The following NPLOC4 variants were observed in gnomAD, a reference collection of about 807,000 sequenced individuals.
NPLOC4 encodes the protein NPL4 homolog, ubiquitin recognition factor, also known as nuclear protein localization protein 4 homolog.
Under a neutral mutation model 80.6 loss-of-function variants are expected in NPLOC4, and 18 were observed. The observed-to-expected ratio is 0.22, with a 90% CI of 0.15 to 0.33. The LOEUF is 0.33. Ranked by LOEUF, NPLOC4 falls within the 10% of genes least tolerant of loss-of-function variation. The pLI, the probability that NPLOC4 is intolerant of heterozygous loss-of-function variation, is 1.00. For missense variants in NPLOC4, 540 were observed against 786.1 expected (o/e 0.69, Z 3.74); for synonymous variants, 313 against 301.5 (o/e 1.04, Z -0.39).
rs899122806 is a variant in NPLOC4, at chr17:81,629,709, C to T, written c.96+16G>A. 1.9e-6 allele frequency: 3 copies of T among 1,592,058 alleles called. No homozygotes were observed. The highest frequency in any genetic ancestry group is 8.6e-7 in the Non-Finnish European group (1 of 1,160,110). On this transcript the variant is annotated intron_variant, in intron 2 of 16. Transcript: ENST00000331134. The stretch of plus-strand genomic sequence containing the variant: ...ATGAAAAATATCCTGAGGGTCAATA[C>T]CCAGGCCACAGATACCTTTTTCAAA...
Position 81,572,749 on chromosome 17 carries a change from T to C in NPLOC4, c.1282-661A>G, listed in dbSNP as rs548729153. On this transcript the variant is annotated intron_variant, in intron 12 of 16. Transcript: ENST00000331134. This position sits in a 1 kb window ranked among gnomAD's most constrained non-coding sequence, Gnocchi z 4.5. The stretch of plus-strand genomic sequence containing the variant: ...CAGAAGGGTCTGCGTTCCCCTCAGG[T>C]TGGACCTGTGCCCTGTCTATCCTCC... Among the ~76,000 whole-genome samples the C allele has an allele frequency of 3.9e-5, 6 of 152,372 alleles. No homozygotes were observed. Among genetic ancestry groups the C allele is most frequent in the African/African-American group, 1.2e-4 (5 of 41,598 alleles).
chr17:81,565,639 G>A lies in NPLOC4; in HGVS notation c.1567-32C>T, dbSNP rs144195177. On this transcript the variant is annotated intron_variant, in intron 15 of 16. Coordinates refer to ENST00000331134, the MANE Select transcript of NPLOC4 (RefSeq NM_017921.4). ...GAAGCCAAAAGGAAGGTTCCTCTTC[G>A]CTGTGCCTAAGGTGAGCAGCTTCCT... is the stretch of plus-strand genomic sequence containing the variant. The A allele has an allele frequency of 2.8e-4, 421 of 1,499,484 alleles. 1 individual carries two copies. In the African/African-American group the frequency reaches 5.2e-3, roughly 19 times the overall value. 92.9% of individuals were successfully genotyped at this position (1,499,484 alleles called of 1,614,324 possible).
chr17:81,627,671 G>A (rs1366926146), intron 2 of NPLOC4, among the ~76,000 whole-genome samples: 1 of 152,170 alleles, frequency 6.6e-6, no homozygotes, highest in Admixed American at 6.5e-5. Context: ...GGGAGGCTGA[G>A]GCAGGAGAAT....
intron 2 of NPLOC4, among the ~76,000 whole-genome samples, chr17:81,623,268 G>T (rs567498832): frequency 1.3e-5 from 2 of 149,356 alleles, no homozygotes; most frequent in African/African-American, 5.0e-5. Context: ...CCAGGAGTTC[G>T]ACACCAGCCT....
At position 81,577,517 on chromosome 17, in the gene NPLOC4, C is replaced by T. The variant is rs1038438649; in HGVS notation, c.1282-5429G>A. ...TCTACTTCCGGGTTAGCTCAACGCA[C>T]TCTTCTCTTCTCCCTCTGAACCACG... On this transcript the variant is annotated intron_variant, in intron 12 of 16. Coordinates refer to ENST00000331134, the MANE Select transcript of NPLOC4 (RefSeq NM_017921.4). This position sits in a 1 kb window ranked among gnomAD's most constrained non-coding sequence, Gnocchi z 4.3. Among the ~76,000 whole-genome samples the T allele has an allele frequency of 6.6e-6, 1 of 152,080 alleles. No homozygotes were observed. The highest frequency in any genetic ancestry group is 6.5e-5 in the Admixed American group (1 of 15,270).
chr17:81,580,987 C>G lies in NPLOC4; in HGVS notation c.1281+7957G>C, dbSNP rs1302263760. The stretch of plus-strand genomic sequence containing the variant: ...TACAAAATCCCCAGTGGCCCTGGGC[C>G]AGCCCACCCGTGGGCTTATGCCCGT... On this transcript the variant is annotated intron_variant, in intron 12 of 16. Coordinates refer to ENST00000331134, the MANE Select transcript of NPLOC4 (RefSeq NM_017921.4). The surrounding 1 kb of genome is among the most constrained non-coding windows in gnomAD (Gnocchi z 4.4). Among the ~76,000 whole-genome samples, 1 of 152,158 alleles carries G rather than the reference C, an allele frequency of 6.6e-6. No homozygotes were observed. The highest frequency in any genetic ancestry group is 1.9e-4 in the East Asian group (1 of 5,186).
intron 11 of NPLOC4, among the ~76,000 whole-genome samples, chr17:81,595,447 G>A (rs571280748): frequency 1.1e-4 from 15 of 138,438 alleles, no homozygotes; most frequent in East Asian, 1.0e-3. Context: ...AAAAAAACCC[G>A]TTTTGCTTTT....
intron 8 of NPLOC4, among the ~76,000 whole-genome samples, chr17:81,602,528 C>A (rs1048827297): frequency 1.3e-5 from 2 of 151,736 alleles, no homozygotes; most frequent in African/African-American, 4.8e-5. Flanking sequence ...CATGGTGAAA[C>A]CCTGTCTCTA....
At chr17:81,635,433 G>A (rs2036041630) in intron 1 of NPLOC4, among the ~76,000 whole-genome samples, 1 of 151,394 alleles carries the variant, frequency 6.6e-6, no homozygotes, top group Admixed American at 6.6e-5. Context: ...TCATCTCCAG[G>A]TTGGGAAACA....
rs60179545 is a variant in NPLOC4, at chr17:81,558,744, T to C, written c.*515A>G. ...AGAGGGGAGCCGTGTCCAGGGCCAC[T>C]GCGTCCCCACCAGACAACAGCTACT... On this transcript the variant is annotated 3_prime_UTR_variant, in exon 17 of 17. Transcript: ENST00000331134. 3.8e-3 allele frequency: 586 copies of C among 152,712 alleles called. 19 individuals carry two copies. The East Asian group carries it at 0.075, about 19-fold the overall frequency. The allele number at this position is 152,712 out of a possible 1,614,324, so 9.5% of individuals were successfully genotyped here.
At chr17:81,596,880 C>T (rs970304548) in intron 10 of NPLOC4, among the ~76,000 whole-genome samples, 2 of 152,012 alleles carry the variant, frequency 1.3e-5, no homozygotes, top group African/African-American at 4.8e-5. Flanking sequence ...TCTGGGAGGC[C>T]AAGGCAGGCA....
At chr17:81,626,330 A>AG (rs397747470) in intron 2 of NPLOC4, among the ~76,000 whole-genome samples, 1 of 151,478 alleles carries the variant, frequency 6.6e-6, no homozygotes, top group African/African-American at 2.4e-5. Flanking sequence ...AAAAAAAAAA[A>AG]GAAAAGAATG....
Position 81,572,180 on chromosome 17 carries a change from A to T in NPLOC4, c.1282-92T>A. 3.4e-6 allele frequency: 2 copies of T among 587,818 alleles called. No homozygotes were observed. Among genetic ancestry groups the T allele is most frequent in the Non-Finnish European group, 5.3e-6 (2 of 376,986 alleles). 36.4% of individuals were successfully genotyped at this position (587,818 alleles called of 1,614,324 possible). ...GCTTGTCTCACCTTTTATTTAATTA[A>T]TTAATTTATTTATTTATTTATTTTT... On this transcript the variant is annotated intron_variant, in intron 12 of 16. Coordinates refer to ENST00000331134, the MANE Select transcript of NPLOC4 (RefSeq NM_017921.4). This position sits in a 1 kb window ranked among gnomAD's most constrained non-coding sequence, Gnocchi z 4.5.
chr17:81,631,453 TTTTTTTTTTC>T (rs1400780239), intron 1 of NPLOC4, among the ~76,000 whole-genome samples: 8 of 102,634 alleles, frequency 7.8e-5, no homozygotes, highest in East Asian at 3.1e-4. Context: ...TTTTTTTTTT[TTTTTTTTTTC>T]CCCCACGGCA....
chr17:81,593,347 G>C (rs988061908), intron 11 of NPLOC4, among the ~76,000 whole-genome samples: 1 of 152,044 alleles, frequency 6.6e-6, no homozygotes, highest in Non-Finnish European at 1.5e-5. Context: ...CCAGCCCTGT[G>C]CTCAGCCCTT....
At chr17:81,632,990 C>T (rs1237096610) in intron 1 of NPLOC4, among the ~76,000 whole-genome samples, 3 of 151,794 alleles carry the variant, frequency 2.0e-5, no homozygotes, top group African/African-American at 7.3e-5. Flanking sequence ...ATTAGCCAGG[C>T]GTGGTGGAGG....
intron 12 of NPLOC4, among the ~76,000 whole-genome samples, 185 bp downstream of exon 12, chr17:81,588,759 G>A (rs761491212): frequency 2.6e-5 from 4 of 152,182 alleles, no homozygotes; most frequent in Non-Finnish European, 4.4e-5. Flanking sequence ...GAAGCCCTAC[G>A]CCATGGAAGC....
At chr17:81,592,875 T>C (rs1165208790) in intron 11 of NPLOC4, among the ~76,000 whole-genome samples, 3 of 152,174 alleles carry the variant, frequency 2.0e-5, no homozygotes, top group African/African-American at 4.8e-5. Context: ...TCCCAGCTAC[T>C]TGGGAGACTG....
chr17:81,559,222 G>A lies in NPLOC4; in HGVS notation c.*37C>T. ...ACGCTTCTGGCTTCAGGAAGGGCTGGGCTGGGCCCGGTCCTAGCCAGCAGA... is the reference window on the plus strand; with the variant it reads ...ACGCTTCTGGCTTCAGGAAGGGCTGAGCTGGGCCCGGTCCTAGCCAGCAGA... On this transcript the variant is annotated 3_prime_UTR_variant, in exon 17 of 17. Coordinates refer to ENST00000331134, the MANE Select transcript of NPLOC4 (RefSeq NM_017921.4). 1.3e-6 allele frequency: 2 copies of A among 1,563,316 alleles called. No homozygotes were observed. The highest frequency in any genetic ancestry group is 1.7e-6 in the Non-Finnish European group (2 of 1,154,776).
Sources: allele counts gnomAD v4.1 joint callset (sites outside exome capture counted in the v4.1 genomes callset), GRCh38; gene constraint gnomAD v4.1.1; non-coding constraint Gnocchi (gnomAD v3.1); transcripts MANE v1.5; gene names NCBI Gene and HGNC (gene_info 2026-07-23, HGNC 2026-07-21).